The following GRTP1 variants were observed in gnomAD, a reference collection of about 807,000 sequenced individuals.
GRTP1 encodes the protein growth hormone-regulated TBC protein 1.
A neutral mutation model predicts 38.1 loss-of-function variants in GRTP1; 56 were observed. That is an observed-to-expected ratio of 1.47 (90% CI 1.19 to 1.84). GRTP1 has a LOEUF of 1.84. Among genes scored for constraint, GRTP1 ranks in the 40% most tolerant of loss-of-function variants. GRTP1 has a pLI of 0.00. For missense variants in GRTP1, 506 were observed against 453.9 expected (o/e 1.11, Z -1.04); for synonymous variants, 217 against 189.5 (o/e 1.14, Z -1.19).
intron 5 of GRTP1, among the ~76,000 whole-genome samples, chr13:113,334,755 G>C (rs982783527): frequency 6.6e-6 from 1 of 152,208 alleles, no homozygotes; most frequent in Non-Finnish European, 1.5e-5. Flanking sequence ...GCAAACATGA[G>C]CACCACAGCC....
At position 113,324,194 on chromosome 13, in the gene GRTP1, A is replaced by G. The variant is rs191323490; in HGVS notation, c.*294T>C. 1 of 362,134 alleles carries G rather than the reference A, an allele frequency of 2.8e-6. No homozygotes were observed. The highest frequency in any genetic ancestry group is 4.7e-5 in the Admixed American group (1 of 21,320). 22.4% of individuals were successfully genotyped at this position (362,134 alleles called of 1,614,324 possible). On this transcript the variant is annotated 3_prime_UTR_variant, in exon 8 of 8. Coordinates refer to ENST00000375431, the MANE Select transcript of GRTP1 (RefSeq NM_024719.4). ...TCCAGTCAGCTGAGAAACTGATCAC[A>G]AACACAGGTGTTGGCATACTTTATT...
In GRTP1 at chr13:113,324,677, AG is replaced by A. The variant is rs1242934181; in HGVS notation, c.922-101del. On this transcript the variant is annotated intron_variant, in intron 7 of 7. Transcript: ENST00000375431. ...AGGCAGACAGGCCTCGTGTGAGGTG[AG>A]GGAGGAGCAGTCCACATCCAAGGGC... 12 of 1,498,004 alleles carry A rather than the reference AG, an allele frequency of 8.0e-6. No homozygotes were observed. The East Asian group carries it at 3.0e-4, about 37-fold the overall frequency. The allele number at this position is 1,498,004 out of a possible 1,614,324, so 92.8% of individuals were successfully genotyped here.
Position 113,343,942 on chromosome 13 carries a change from G to A in GRTP1, c.562+921C>T, listed in dbSNP as rs553796206. On this transcript the variant is annotated intron_variant, in intron 5 of 7. Transcript: ENST00000375431. This position sits in a 1 kb window ranked among gnomAD's most constrained non-coding sequence, Gnocchi z 4.8. ...TTCTCTTCCCAAGTGACTTGAGCCT[G>A]CAGCTCATCGTCTGCACTGGCCTTC... is the stretch of plus-strand genomic sequence containing the variant. 9.2e-5 allele frequency among the ~76,000 whole-genome samples: 14 copies of A among 152,302 alleles called. No homozygotes were observed. In the East Asian group the frequency reaches 2.7e-3, roughly 29 times the overall value.
chr13:113,327,867 G>A (rs1174498814), intron 5 of GRTP1, among the ~76,000 whole-genome samples: 2 of 152,202 alleles, frequency 1.3e-5, no homozygotes, highest in Non-Finnish European at 2.9e-5. Flanking sequence ...GCAGCAGGGG[G>A]TCTGCAGAGA....
chr13:113,356,173 CTG>C (rs1286157071), intron 2 of GRTP1, among the ~76,000 whole-genome samples: 1 of 152,210 alleles, frequency 6.6e-6, no homozygotes, highest in African/African-American at 2.4e-5. Context: ...AGCTGCGACA[CTG>C]TGCTCTTAAC....
At chr13:113,352,226 CTATATTTATATA>C (rs1450573361) in intron 3 of GRTP1, among the ~76,000 whole-genome samples, 27 of 86,120 alleles carry the variant, frequency 3.1e-4, no homozygotes, top group Non-Finnish European at 6.1e-4. Flanking sequence ...ATTGAGTTTT[CTATATTTATATA>C]TATATTTATA....
At chr13:113,347,768 G>A (rs1461131906) in intron 4 of GRTP1, among the ~76,000 whole-genome samples, 2 of 144,600 alleles carry the variant, frequency 1.4e-5, no homozygotes, top group South Asian at 2.1e-4. Flanking sequence ...CTCTGAAGCC[G>A]AGAGCAGACC....
At chr13:113,346,076 GAGCA>G (rs2043109407) in intron 4 of GRTP1, among the ~76,000 whole-genome samples, 2 of 7,322 alleles carry the variant, frequency 2.7e-4, no homozygotes, top group Non-Finnish European at 6.1e-4. Flanking sequence ...CTCTGCGGCT[GAGCA>G]GACCTGGGAA....
In GRTP1 at chr13:113,342,449, A is replaced by G. The variant is rs2043039319; in HGVS notation, c.562+2414T>C. 6.6e-6 allele frequency among the ~76,000 whole-genome samples: 1 copy of G among 152,044 alleles called. No homozygotes were observed. The highest frequency in any genetic ancestry group is 1.5e-5 in the Non-Finnish European group (1 of 68,014). On this transcript the variant is annotated intron_variant, in intron 5 of 7. Transcript: ENST00000375431. This position sits in a 1 kb window ranked among gnomAD's most constrained non-coding sequence, Gnocchi z 4.5. ...CGTGAACCTGGGAGGCGGAGCTTGC[A>G]GTGAGCCATTGTGCCACTGCACTCC...
chr13:113,329,259 C>T (rs2042821143), intron 5 of GRTP1, among the ~76,000 whole-genome samples: 3 of 152,160 alleles, frequency 2.0e-5, no homozygotes, highest in Admixed American at 6.5e-5. Flanking sequence ...TGCAGTGCCA[C>T]GGAGACATTG....
At chr13:113,357,500 A>G (rs1198917929) in intron 2 of GRTP1, among the ~76,000 whole-genome samples, 1 of 151,878 alleles carries the variant, frequency 6.6e-6, no homozygotes, top group Admixed American at 6.6e-5. Context: ...GTTTAGAAAC[A>G]TATTTGAGGA....
intron 5 of GRTP1, 117 bp downstream of exon 5, chr13:113,344,746 C>CCACAA: frequency 2.1e-6 from 1 of 472,034 alleles, no homozygotes; most frequent in Non-Finnish European, 3.7e-6. Context: ...CGGTTTGTAA[C>CCACAA]CTCATCTCCC....
At chr13:113,329,105 C>T (rs962248148) in intron 5 of GRTP1, among the ~76,000 whole-genome samples, 5 of 152,350 alleles carry the variant, frequency 3.3e-5, no homozygotes, top group South Asian at 2.1e-4. Flanking sequence ...TGTTGATAAG[C>T]GTCTTTTTCT....
intron 5 of GRTP1, among the ~76,000 whole-genome samples, chr13:113,328,012 T>G (rs539410652): frequency 4.1e-4 from 62 of 152,236 alleles, no homozygotes; most frequent in Non-Finnish European, 6.3e-4. Context: ...AGCCGCAGCT[T>G]CTTTCCCTTC....
chr13:113,326,390 G>GT lies in GRTP1; in HGVS notation c.563-300_563-299insA, dbSNP rs1432232061. Among the ~76,000 whole-genome samples the GT allele has an allele frequency of 7.9e-4, 64 of 80,642 alleles. 5 individuals carry two copies. The highest frequency in any genetic ancestry group is 5.1e-3 in the African/African-American group (63 of 12,310). The allele number at this position is 80,642 out of a possible 152,430, so 52.9% of individuals were successfully genotyped here. ...AGGGTGGCGCGGTGGGGGGGGGGGG[G>GT]GCGGGAGCGTGGCTCACACCTGTAA... On this transcript the variant is annotated intron_variant, in intron 5 of 7. Transcript: ENST00000375431.
Position 113,349,825 on chromosome 13 carries a change from G to T in GRTP1, c.465+1024C>A, listed in dbSNP as rs953793469. Among the ~76,000 whole-genome samples, 8 of 152,154 alleles carry T rather than the reference G, an allele frequency of 5.3e-5. No homozygotes were observed. The highest frequency in any genetic ancestry group is 1.9e-4 in the African/African-American group (8 of 41,424). On this transcript the variant is annotated intron_variant, in intron 4 of 7. Transcript: ENST00000375431. The surrounding 1 kb of genome is among the most constrained non-coding windows in gnomAD (Gnocchi z 5.0). ...AAACTGCATTTTCTGGTTGGTGCAC[G>T]CCTGGCTCCCGGCTCCTACAGGAAG...
intron 4 of GRTP1, among the ~76,000 whole-genome samples, chr13:113,346,884 G>A (rs1260456666): frequency 1.3e-3 from 2 of 1,526 alleles, no homozygotes; most frequent in Non-Finnish European, 2.7e-3. Context: ...GCCTGACAGT[G>A]GACCCGGGAG....
Position 113,348,818 on chromosome 13 carries a change from G to C in GRTP1, c.465+2031C>G, listed in dbSNP as rs560450486. ...AGAAAGAACCCGCCCCGCAGACGCC[G>C]CGACCTCACCTGCCCCGCAGATGCC... On this transcript the variant is annotated intron_variant, in intron 4 of 7. Coordinates refer to ENST00000375431, the MANE Select transcript of GRTP1 (RefSeq NM_024719.4). This position sits in a 1 kb window ranked among gnomAD's most constrained non-coding sequence, Gnocchi z 4.8. Among the ~76,000 whole-genome samples, 44 of 152,096 alleles carry C rather than the reference G, an allele frequency of 2.9e-4. No homozygotes were observed. The highest frequency in any genetic ancestry group is 1.1e-3 in the African/African-American group (44 of 41,500).
chr13:113,326,835 C>T (rs1193504560), intron 5 of GRTP1, among the ~76,000 whole-genome samples: 1 of 152,148 alleles, frequency 6.6e-6, no homozygotes, highest in African/African-American at 2.4e-5. Flanking sequence ...GTCCACACGA[C>T]GGAATATTAT....
Sources: gnomAD v4.1 joint callset for allele counts (sites outside exome capture counted in the v4.1 genomes callset) on GRCh38, gnomAD v4.1.1 for gene constraint, Gnocchi (gnomAD v3.1) non-coding constraint, MANE v1.5 for transcripts, NCBI Gene and HGNC (gene_info 2026-07-23, HGNC 2026-07-21) for gene names.